Variants in MAP3K9 observed in about 807,000 individuals in gnomAD.
MAP3K9 encodes mixed lineage kinase 1 (tyr and ser/thr specificity).
In MAP3K9, 46 loss-of-function variants were observed where a neutral mutation model predicts 95.8. The ratio of observed to expected loss-of-function variants is 0.48; its 90% CI spans 0.38 to 0.61. The LOEUF (loss-of-function observed/expected upper bound fraction) is 0.61, where lower values mean the gene tolerates loss of function less well. Ranked by LOEUF, MAP3K9 falls within the 20% of genes least tolerant of loss-of-function variation. MAP3K9 has a pLI of 0.00. For synonymous variants in MAP3K9, 533 were observed against 593.8 expected (o/e 0.90, Z 1.49); for missense variants, 1,296 against 1,474.3 (o/e 0.88, Z 1.98).
At chr14:70,758,661 C>T (rs1457450134) in intron 3 of MAP3K9, among the ~76,000 whole-genome samples, 1 of 152,150 alleles carries the variant, frequency 6.6e-6, no homozygotes, top group Non-Finnish European at 1.5e-5. Flanking sequence ...CCCAAATGCC[C>T]ATCAACTGAT....
chr14:70,730,450 G>C lies in MAP3K9; in HGVS notation c.3245C>G (p.Pro1082Arg). 1 of 1,614,178 alleles carries C rather than the reference G, an allele frequency of 6.2e-7. No homozygotes were observed. Among genetic ancestry groups the C allele is most frequent in the South Asian group, 1.1e-5 (1 of 91,080 alleles). The change falls in exon 12 of 12, where the codon CCG becomes CGG. Residue 1082 changes from proline (P) to arginine (R), a missense_variant. By Grantham distance (103) the Pro-to-Arg change is moderately radical (BLOSUM62 -2). Transcript: ENST00000554752. ...TGTGTTCAGTTCCGCTCTGCACAGC[G>C]GCACGGTGCTGTCCTGACTCTGCCC... ...AEGQSQDSTV[P>R]LCRAELNTHR... is the part of the protein sequence containing the mutation.
intron 3 of MAP3K9, among the ~76,000 whole-genome samples, chr14:70,751,074 A>G (rs949540349): frequency 1.3e-5 from 2 of 152,178 alleles, no homozygotes; most frequent in Non-Finnish European, 2.9e-5. Context: ...ATTCAAATGG[A>G]AAAGTTTCAC....
intron 8 of MAP3K9, among the ~76,000 whole-genome samples, chr14:70,737,671 C>A (rs2054003735): frequency 6.6e-6 from 1 of 152,216 alleles, no homozygotes; most frequent in Non-Finnish European, 1.5e-5. Flanking sequence ...ATTCTGCCTG[C>A]CCCTGCTTCA....
At chr14:70,802,938 G>A (rs997640632) in intron 1 of MAP3K9, among the ~76,000 whole-genome samples, 1 of 152,134 alleles carries the variant, frequency 6.6e-6, no homozygotes, top group African/African-American at 2.4e-5. Context: ...CCCCAGTGCT[G>A]GCGGTGGGGC....
At position 70,729,308 on chromosome 14, in the gene MAP3K9, G is replaced by C. The variant is rs139416481; in HGVS notation, c.*1072C>G. The stretch of plus-strand genomic sequence containing the variant: ...GTGAATTCCCAAGTCCCAATGTCCA[G>C]GTGGCCATATGGTATTCTGCTTCAT... On this transcript the variant is annotated 3_prime_UTR_variant, in exon 12 of 12. Transcript: ENST00000554752. 3.3e-5 allele frequency: 5 copies of C among 152,320 alleles called. No homozygotes were observed. The East Asian group carries it at 9.6e-4, about 29-fold the overall frequency. 9.4% of individuals were successfully genotyped at this position (152,320 alleles called of 1,614,324 possible).
At chr14:70,764,925 C>T (rs1445973973) in intron 2 of MAP3K9, among the ~76,000 whole-genome samples, 4 of 152,126 alleles carry the variant, frequency 2.6e-5, no homozygotes, top group Non-Finnish European at 5.9e-5. Flanking sequence ...TAAAGCTGTA[C>T]AGTGTGTTTA....
chr14:70,780,781 C>T (rs978875934), intron 2 of MAP3K9, among the ~76,000 whole-genome samples: 1 of 152,206 alleles, frequency 6.6e-6, no homozygotes. Context: ...CTCAAACTGA[C>T]TGAGAAGAGC....
At chr14:70,796,438 A>G (rs1301890921) in intron 2 of MAP3K9, among the ~76,000 whole-genome samples, 1 of 152,136 alleles carries the variant, frequency 6.6e-6, no homozygotes, top group East Asian at 1.9e-4. Flanking sequence ...AACAGTTCAT[A>G]CCGATGCATG....
intron 3 of MAP3K9, chr14:70,752,923 C>T: frequency 6.6e-6 from 1 of 152,414 alleles, no homozygotes; most frequent in Non-Finnish European, 1.5e-5. Context: ...CCAGTCAGGG[C>T]AGCTCTGCTC....
At chr14:70,796,927 T>C (rs2054871070) in intron 2 of MAP3K9, among the ~76,000 whole-genome samples, 1 of 152,004 alleles carries the variant, frequency 6.6e-6, no homozygotes, top group Non-Finnish European at 1.5e-5. Flanking sequence ...GCCGCTGTTA[T>C]TTGGTTTGGC....
intron 7 of MAP3K9, 87 bp downstream of exon 7, chr14:70,739,955 A>C: frequency 1.2e-6 from 2 of 1,614,168 alleles, no homozygotes; most frequent in Non-Finnish European, 1.7e-6. Flanking sequence ...TGGATGGAGC[A>C]AGCCTGGACC....
intron 5 of MAP3K9, among the ~76,000 whole-genome samples, chr14:70,747,791 T>C (rs1164039499): frequency 6.6e-6 from 1 of 152,198 alleles, no homozygotes; most frequent in Non-Finnish European, 1.5e-5. Flanking sequence ...ATCATTATTA[T>C]CACATGGCTA....
intron 3 of MAP3K9, among the ~76,000 whole-genome samples, chr14:70,760,141 GCACACACACACACACACACA>G (rs60112409): frequency 3.4e-5 from 5 of 147,700 alleles, no homozygotes; most frequent in Non-Finnish European, 5.9e-5. Context: ...AAATAAACGT[GCACACACACACACACACACA>G]CACACACACA....
intron 3 of MAP3K9, among the ~76,000 whole-genome samples, chr14:70,751,219 C>G (rs879491774): frequency 6.6e-6 from 1 of 152,162 alleles, no homozygotes; most frequent in Non-Finnish European, 1.5e-5. Flanking sequence ...GAGTACAAAG[C>G]TTAATGGAAG....
chr14:70,785,627 C>T (rs893628592), intron 2 of MAP3K9, among the ~76,000 whole-genome samples: 4 of 152,118 alleles, frequency 2.6e-5, no homozygotes, highest in Non-Finnish European at 5.9e-5. Flanking sequence ...TTGGTACTCC[C>T]AACCTTCTGA....
chr14:70,740,839 A>G (rs1454678483), intron 6 of MAP3K9, among the ~76,000 whole-genome samples: 1 of 152,234 alleles, frequency 6.6e-6, no homozygotes. Context: ...GGTGGGAACT[A>G]TAGCTTTTCT....
In MAP3K9 at chr14:70,801,052, G is replaced by C. The variant is rs187736203; in HGVS notation, c.435C>G (p.Thr145=). 1 of 1,611,468 alleles carries C rather than the reference G, an allele frequency of 6.2e-7. No individual in the cohort carries two copies. Among genetic ancestry groups the C allele is most frequent in the South Asian group, 1.1e-5 (1 of 90,960 alleles). Residue 145 remains threonine, a synonymous_variant, in exon 2 of 12, where the codon ACC becomes ACG. Coordinates refer to ENST00000554752, the MANE Select transcript of MAP3K9 (RefSeq NM_001284230.2). ...CCCCGATGCCAATAATCTCTTCCAA[G>C]GTGAGCTCCGCAAAATCAATTTCTA... ...QLLEIDFAEL[T]LEEIIGIGGF...
chr14:70,767,871 T>C (rs2054478719), intron 2 of MAP3K9, among the ~76,000 whole-genome samples: 1 of 152,136 alleles, frequency 6.6e-6, no homozygotes. Flanking sequence ...ATTTTTTGTA[T>C]TGACCGGTTG....
chr14:70,766,255 T>C (rs2054454068), intron 2 of MAP3K9, among the ~76,000 whole-genome samples: 3 of 152,164 alleles, frequency 2.0e-5, no homozygotes, highest in Admixed American at 1.3e-4. Context: ...GGCTTGACAC[T>C]CTTAATGTGA....
Sources: gnomAD v4.1 joint callset for allele counts (sites outside exome capture counted in the v4.1 genomes callset) on GRCh38, gnomAD v4.1.1 for gene constraint, MANE v1.5 for transcripts, NCBI Gene and HGNC (gene_info 2026-07-23, HGNC 2026-07-21) for gene names.